Variants in ZBTB20 observed in about 807,000 individuals in gnomAD.
ZBTB20 encodes zinc finger and BTB domain containing 20.
A neutral mutation model predicts 56.9 loss-of-function variants in ZBTB20; 9 were observed. The observed-to-expected ratio is 0.16, with a 90% CI of 0.10 to 0.28. ZBTB20 has a LOEUF of 0.28. Ranked by LOEUF, ZBTB20 falls within the 10% of genes least tolerant of loss-of-function variation. ZBTB20 has a pLI of 1.00. For synonymous variants in ZBTB20, 417 were observed against 420.7 expected (o/e 0.99, Z 0.11); for missense variants, 655 against 1,003.0 (o/e 0.65, Z 4.69).
At chr3:114,739,783 G>T (rs889289308) in intron 5 of ZBTB20, among the ~76,000 whole-genome samples, 2 of 152,170 alleles carry the variant, frequency 1.3e-5, no homozygotes, top group African/African-American at 4.8e-5. Context: ...AGTGGTAGAG[G>T]CTGAACTACA....
At chr3:114,643,877 C>A (rs2059692352) in intron 6 of ZBTB20, among the ~76,000 whole-genome samples, 1 of 152,032 alleles carries the variant, frequency 6.6e-6, no homozygotes, top group Non-Finnish European at 1.5e-5. Context: ...GCCCGTACCT[C>A]TCCTTGTAAC....
intron 11 of ZBTB20, among the ~76,000 whole-genome samples, chr3:114,349,999 T>A (rs1053559618): frequency 3.0e-4 from 45 of 152,132 alleles, no homozygotes; most frequent in African/African-American, 1.0e-3. Flanking sequence ...GAATATGGCT[T>A]ATATAATGAC....
intron 2 of ZBTB20, among the ~76,000 whole-genome samples, chr3:115,026,061 A>G (rs577533891): frequency 4.2e-4 from 64 of 151,104 alleles, no homozygotes; most frequent in Non-Finnish European, 8.2e-4. Flanking sequence ...GAAGTCAGGT[A>G]TATGTCTACA....
intron 3 of ZBTB20, among the ~76,000 whole-genome samples, chr3:114,958,862 A>G (rs1012009903): frequency 2.6e-5 from 4 of 151,906 alleles, no homozygotes; most frequent in Non-Finnish European, 5.9e-5. Flanking sequence ...GAAAAAAAAA[A>G]AAAGAAAGAA....
intron 7 of ZBTB20, among the ~76,000 whole-genome samples, chr3:114,492,791 G>C (rs979304904): frequency 1.2e-4 from 18 of 152,136 alleles, no homozygotes; most frequent in African/African-American, 4.3e-4. Flanking sequence ...TGCCCAAATG[G>C]TAACATTTTA....
intron 4 of ZBTB20, among the ~76,000 whole-genome samples, chr3:114,806,128 G>A (rs746446252): frequency 2.0e-5 from 3 of 151,662 alleles, no homozygotes; most frequent in Non-Finnish European, 3.0e-5. Flanking sequence ...TGGTATTGCT[G>A]GATCATAAGG....
intron 6 of ZBTB20, among the ~76,000 whole-genome samples, chr3:114,536,616 T>C (rs957428460): frequency 1.3e-5 from 2 of 152,226 alleles, no homozygotes; most frequent in African/African-American, 4.8e-5. Context: ...ATTGATTTTC[T>C]TCACAGAATT....
intron 11 of ZBTB20, among the ~76,000 whole-genome samples, chr3:114,342,747 T>C (rs1384378059): frequency 6.6e-6 from 1 of 152,190 alleles, no homozygotes; most frequent in African/African-American, 2.4e-5. Context: ...AACTGCAAAA[T>C]GACTTGCATG....
chr3:114,623,193 G>C (rs1319034409), intron 6 of ZBTB20, among the ~76,000 whole-genome samples: 2 of 152,136 alleles, frequency 1.3e-5, no homozygotes, highest in African/African-American at 4.8e-5. Context: ...ATTCCAACAG[G>C]AATTCTACTT....
intron 1 of ZBTB20, among the ~76,000 whole-genome samples, chr3:115,129,483 C>G (rs962871702): frequency 6.6e-6 from 1 of 152,148 alleles, no homozygotes; most frequent in African/African-American, 2.4e-5. Context: ...TTTCCTAATA[C>G]TCTCACAACC....
At chr3:114,743,398 A>G (rs2066771825) in intron 5 of ZBTB20, 2 of 152,412 alleles carry the variant, frequency 1.3e-5, no homozygotes, top group South Asian at 4.1e-4. Context: ...AAGTGAAAAT[A>G]TCTCTAGTAG....
chr3:114,606,166 C>T (rs913084480), intron 6 of ZBTB20, among the ~76,000 whole-genome samples: 6 of 152,170 alleles, frequency 3.9e-5, no homozygotes, highest in African/African-American at 9.7e-5. Flanking sequence ...ATACTCTTCC[C>T]CTGACAATTA....
intron 4 of ZBTB20, among the ~76,000 whole-genome samples, chr3:114,811,972 T>C (rs2072554502): frequency 6.6e-6 from 1 of 152,154 alleles, no homozygotes; most frequent in African/African-American, 2.4e-5. Context: ...TTCCTTCTGA[T>C]GTTCGGATGT....
Position 115,037,375 on chromosome 3 carries a change from C to G in ZBTB20, c.-507+33844G>C, listed in dbSNP as rs546882718. ...TCTCAGCTCACTGCAACCTCCGTCT[C>G]CCAGGTTCAAGCAATTCTCCTGCCT... is the stretch of plus-strand genomic sequence containing the variant. On this transcript the variant is annotated intron_variant, in intron 2 of 11. Coordinates refer to ENST00000675478, the MANE Select transcript of ZBTB20 (RefSeq NM_001348800.3). Among the ~76,000 whole-genome samples the G allele has an allele frequency of 1.1e-4, 17 of 152,222 alleles. No homozygotes were observed. In the South Asian group the frequency reaches 2.9e-3, roughly 26 times the overall value.
intron 1 of ZBTB20, among the ~76,000 whole-genome samples, chr3:115,113,232 G>C (rs2083928863): frequency 6.6e-6 from 1 of 152,148 alleles, no homozygotes; most frequent in African/African-American, 2.4e-5. Context: ...ATTTTCTGCT[G>C]TGTTTAAAAG....
intron 7 of ZBTB20, among the ~76,000 whole-genome samples, chr3:114,444,408 A>T (rs973611679): frequency 2.5e-4 from 38 of 152,134 alleles, no homozygotes; most frequent in African/African-American, 9.2e-4. Flanking sequence ...CTCATCACAC[A>T]TATTTGTCCC....
At chr3:114,927,573 C>A (rs1435840128) in intron 3 of ZBTB20, among the ~76,000 whole-genome samples, 1 of 152,148 alleles carries the variant, frequency 6.6e-6, no homozygotes, top group Non-Finnish European at 1.5e-5. Context: ...AAGGAAAAAA[C>A]AATTGAAGAA....
In ZBTB20 at chr3:114,726,911, C is replaced by CAAAAAAAAAA. The variant is rs35565597; in HGVS notation, c.-342-33346_-342-33337dup. Among the ~76,000 whole-genome samples the CAAAAAAAAAA allele has an allele frequency of 1.4e-4, 7 of 49,298 alleles. 1 individual carries two copies. The highest frequency in any genetic ancestry group is 2.2e-4 in the Non-Finnish European group (7 of 31,152). 32.3% of individuals were successfully genotyped at this position (49,298 alleles called of 152,430 possible). ...TGGGCAAGAGAGAGAGACTCCATCA[C>CAAAAAAAAAA]AAAAAAAAAAAAAAAAAAAAAAAAA... On this transcript the variant is annotated intron_variant, in intron 5 of 11. Coordinates refer to ENST00000675478, the MANE Select transcript of ZBTB20 (RefSeq NM_001348800.3).
At chr3:114,666,880 G>A (rs764678978) in intron 6 of ZBTB20, among the ~76,000 whole-genome samples, 24 of 151,974 alleles carry the variant, frequency 1.6e-4, no homozygotes, top group Non-Finnish European at 7.4e-5. Flanking sequence ...GCTTTGCAAA[G>A]AGTCATACCA....
Sources: gnomAD v4.1 joint callset for allele counts (sites outside exome capture counted in the v4.1 genomes callset) on GRCh38, gnomAD v4.1.1 for gene constraint, MANE v1.5 for transcripts, NCBI Gene and HGNC (gene_info 2026-07-23, HGNC 2026-07-21) for gene names.